AHCY: variants seen among roughly 807,000 people sequenced by gnomAD.
The protein encoded by AHCY is S-adenosyl-L-homocysteine hydrolase.
AHCY carries 24 observed loss-of-function variants against 45.4 expected under a neutral mutation model. That is an observed-to-expected ratio of 0.53 (90% CI 0.38 to 0.74). The LOEUF (loss-of-function observed/expected upper bound fraction) is 0.74, where lower values mean the gene tolerates loss of function less well. Among genes scored for constraint, AHCY ranks in the 30% least tolerant of loss-of-function variants. The pLI is 0.00. For synonymous variants in AHCY, 245 were observed against 235.1 expected (o/e 1.04, Z -0.39); for missense variants, 449 against 594.1 (o/e 0.76, Z 2.54).
chr20:34,288,411 G>A (rs749696158), intron 8 of AHCY, among the ~76,000 whole-genome samples: 2 of 152,194 alleles, frequency 1.3e-5, no homozygotes, highest in African/African-American at 2.4e-5. Flanking sequence ...ACCTGGTGTG[G>A]CAGCTCACGC....
Position 34,285,596 on chromosome 20 carries a change from G to T in AHCY, c.1011C>A (p.Ile337=). The T allele has an allele frequency of 6.2e-7, 1 of 1,614,016 alleles. No individual in the cohort carries two copies. ...RYRLKNGRRI[I]LLAEGRLVNL... is the part of the protein sequence containing the mutation. ...TGACCAGCCGACCCTCGGCCAGCAGGATGATGCGGCGCCCATTCTTCAACC... is the reference window on the plus strand; with the variant it reads ...TGACCAGCCGACCCTCGGCCAGCAGTATGATGCGGCGCCCATTCTTCAACC... Residue 337 remains isoleucine, a synonymous_variant, in exon 9 of 10, where the codon ATC becomes ATA. Transcript: ENST00000217426.
At chr20:34,285,279 T>A (rs1343226801) in intron 9 of AHCY, among the ~76,000 whole-genome samples, 161 bp downstream of exon 9, 1 of 152,132 alleles carries the variant, frequency 6.6e-6, no homozygotes, top group African/African-American at 2.4e-5. Context: ...CTCAGTTTCT[T>A]CTTCTGTCAA....
At chr20:34,253,836 A>G in the AHCY span, among the ~76,000 whole-genome samples, 1 of 152,174 alleles carries the variant, frequency 6.6e-6, no homozygotes, top group East Asian at 1.9e-4. Context: ...GGTTCATCCA[A>G]GTGATCTGAC....
chr20:34,246,453 C>A, the AHCY span: 1 of 1,405,704 alleles, frequency 7.1e-7, no homozygotes, highest in Non-Finnish European at 1.0e-6. Flanking sequence ...CAATAAAGGA[C>A]TCGAAGTGGG....
At chr20:34,271,358 G>A in the AHCY span, among the ~76,000 whole-genome samples, 1 of 152,192 alleles carries the variant, frequency 6.6e-6, no homozygotes, top group African/African-American at 2.4e-5. Context: ...GTGACTCAGA[G>A]TTATGGTTTG....
In AHCY at chr20:34,303,335, G is replaced by A. The variant is rs1484227595; in HGVS notation, c.-65C>T. 88 of 1,549,152 alleles carry A rather than the reference G, an allele frequency of 5.7e-5. No individual in the cohort carries two copies. The highest frequency in any genetic ancestry group is 1.2e-5 in the South Asian group (1 of 83,998). On this transcript the variant is annotated 5_prime_UTR_variant, in exon 1 of 10. Coordinates refer to ENST00000217426, the MANE Select transcript of AHCY (RefSeq NM_000687.4). ...GGCCTCAGTCTGGGAACAGGAACTG[G>A]GCGGGCAGCGCCGAGCAGGGATATG... is the stretch of plus-strand genomic sequence containing the variant.
chr20:34,280,859 A>G lies in AHCY; in HGVS notation c.*175T>C, dbSNP rs2122709654. 3.1e-6 allele frequency: 3 copies of G among 962,286 alleles called. No individual in the cohort carries two copies. Among genetic ancestry groups the G allele is most frequent in the Non-Finnish European group, 4.7e-6 (3 of 644,200 alleles). 59.6% of individuals were successfully genotyped at this position (962,286 alleles called of 1,614,324 possible). On this transcript the variant is annotated 3_prime_UTR_variant, in exon 10 of 10. Transcript: ENST00000217426. ...AAGAGGGTACTCTGTTCCCGCTGCC[A>G]CATTTGGAACAGTATGACGGCTGCA... is the stretch of plus-strand genomic sequence containing the variant.
the AHCY span, among the ~76,000 whole-genome samples, chr20:34,240,965 G>A: frequency 1.3e-5 from 2 of 152,132 alleles, no homozygotes; most frequent in African/African-American, 2.4e-5. Flanking sequence ...GAGATGAGGT[G>A]GGGAAGCCAG....
chr20:34,266,826 G>A, the AHCY span, among the ~76,000 whole-genome samples: 4 of 152,080 alleles, frequency 2.6e-5, no homozygotes, highest in Non-Finnish European at 4.4e-5. Context: ...TAACATTCAC[G>A]TACCACCTAA....
the AHCY span, among the ~76,000 whole-genome samples, chr20:34,274,151 T>C: frequency 3.3e-5 from 5 of 152,354 alleles, no homozygotes; most frequent in East Asian, 5.8e-4. Flanking sequence ...ATTGGGCTGC[T>C]GCTCACTGCT....
chr20:34,276,567 G>A (rs1451461920), downstream of AHCY, among the ~76,000 whole-genome samples: 1 of 152,040 alleles, frequency 6.6e-6, no homozygotes, highest in African/African-American at 2.4e-5. Flanking sequence ...ATAACTTATG[G>A]AAGTTGTCAG....
In AHCY at chr20:34,295,257, C is replaced by T. The variant is rs777772603; in HGVS notation, c.219+138G>A. ...GGCAGCACTGGGAAACGGAGGAAAC[C>T]GAGTGAGAGGGAGGAACCCCTCCAG... is the stretch of plus-strand genomic sequence containing the variant. On this transcript the variant is annotated intron_variant, in intron 2 of 9. Transcript: ENST00000217426. The T allele has an allele frequency of 9.6e-5, 100 of 1,039,932 alleles. 2 individuals carry two copies. In the African/African-American group the frequency reaches 1.2e-3, roughly 13 times the overall value. 64.4% of individuals were successfully genotyped at this position (1,039,932 alleles called of 1,614,324 possible). A position where few individuals can be genotyped will look rare whatever the true frequency, so the allele number is the denominator to read the frequency against.
chr20:34,283,071 C>T (rs1004574751), intron 9 of AHCY, among the ~76,000 whole-genome samples: 4 of 152,104 alleles, frequency 2.6e-5, no homozygotes, highest in Non-Finnish European at 5.9e-5. Context: ...AACAGTAGGA[C>T]CAGGGCCCAG....
intron 8 of AHCY, among the ~76,000 whole-genome samples, chr20:34,289,452 C>A (rs1374082816): frequency 6.8e-6 from 1 of 147,114 alleles, no homozygotes; most frequent in Non-Finnish European, 1.5e-5. Context: ...GGATTACAGG[C>A]ATGAGCCACT....
intron 9 of AHCY, among the ~76,000 whole-genome samples, chr20:34,284,183 C>T (rs1371518643): frequency 6.6e-6 from 1 of 151,568 alleles, no homozygotes; most frequent in Non-Finnish European, 1.5e-5. Context: ...TTTTTTGAGA[C>T]AGGGTCTCAC....
chr20:34,257,818 C>T, the AHCY span, among the ~76,000 whole-genome samples: 238 of 152,216 alleles, frequency 1.6e-3, 2 homozygotes, highest in East Asian at 0.033. Flanking sequence ...GCACATTAGC[C>T]TTTTAATAAA....
At chr20:34,262,379 C>T in the AHCY span, among the ~76,000 whole-genome samples, 1 of 152,192 alleles carries the variant, frequency 6.6e-6, no homozygotes, top group Non-Finnish European at 1.5e-5. Context: ...CAAATCAGGT[C>T]CTCCTGGCTC....
chr20:34,285,123 A>C (rs1455400226), intron 9 of AHCY, among the ~76,000 whole-genome samples: 1 of 152,180 alleles, frequency 6.6e-6, no homozygotes, highest in Non-Finnish European at 1.5e-5. Context: ...ATGAAGACAG[A>C]GAAAGAATTT....
chr20:34,252,395 A>C, the AHCY span, among the ~76,000 whole-genome samples: 4 of 152,212 alleles, frequency 2.6e-5, no homozygotes, highest in Admixed American at 6.5e-5. Flanking sequence ...ATCATGAGTA[A>C]GTTCAAGGAA....
Sources: allele counts gnomAD v4.1 joint callset (sites outside exome capture counted in the v4.1 genomes callset), GRCh38; gene constraint gnomAD v4.1.1; transcripts MANE v1.5; gene names NCBI Gene and HGNC (gene_info 2026-07-23, HGNC 2026-07-21).